USP6: variants seen among roughly 807,000 people sequenced by gnomAD.
USP6 encodes ubiquitin carboxyl-terminal hydrolase 6.
In USP6, 128 loss-of-function variants were observed where a neutral mutation model predicts 175.7. The observed-to-expected ratio is 0.73, with a 90% CI of 0.63 to 0.84. The LOEUF is 0.84. USP6 is among the 40% of genes least tolerant of loss of function. USP6 has a pLI of 0.00. For missense variants in USP6, 1,498 were observed against 1,760.3 expected (o/e 0.85, Z 2.67); for synonymous variants, 562 against 630.6 (o/e 0.89, Z 1.63).
chr17:5,163,069 T>G, intron 33 of USP6, 65 bp downstream of exon 33: 5 of 1,485,860 alleles, frequency 3.4e-6, no homozygotes, highest in Non-Finnish European at 4.5e-6. Context: ...AGTGTAACTA[T>G]TATGCCATTT....
intron 33 of USP6, among the ~76,000 whole-genome samples, chr17:5,164,115 G>A (rs2074056206): frequency 6.6e-6 from 1 of 152,122 alleles, no homozygotes; most frequent in Non-Finnish European, 1.5e-5. Context: ...AGTGGTTTTT[G>A]CATTTTTATG....
chr17:5,123,246 G>GC (rs2072760135), intron 4 of USP6: 1 of 153,240 alleles, frequency 6.5e-6, no homozygotes, highest in African/African-American at 2.4e-5. Context: ...TGGGGCACAC[G>GC]TCGGTGGCCA....
rs977717481 is a variant in USP6, at chr17:5,129,112, C to G, written c.-177C>G. On this transcript the variant is annotated 5_prime_UTR_variant, in exon 8 of 38. Transcript: ENST00000574788. The stretch of plus-strand genomic sequence containing the variant: ...GTGGCTTCGTAGAGTGGGTGCTGTT[C>G]CCGAATGTACCCATTCGACAGGTGA... 3.9e-5 allele frequency: 6 copies of G among 152,402 alleles called. No homozygotes were observed. Among genetic ancestry groups the G allele is most frequent in the African/African-American group, 1.4e-4 (6 of 41,446 alleles). 9.4% of individuals were successfully genotyped at this position (152,402 alleles called of 1,614,324 possible).
Position 5,146,061 on chromosome 17 carries a change from C to T in USP6, c.2206C>T (p.Leu736=). The T allele has an allele frequency of 6.2e-7, 1 of 1,612,952 alleles. No individual in the cohort carries two copies. The highest frequency in any genetic ancestry group is 1.3e-5 in the African/African-American group (1 of 74,936). ...TGGTACTACCCCTGTACGGTATGGA[C>T]TAAGACTGAATATGGATGAAAAGTA... ...LDGTTPVRYG[L]RLNMDEKYTG... Residue 736 remains leucine, a synonymous_variant, in exon 28 of 38, where the codon CTA becomes TTA. Transcript: ENST00000574788.
chr17:5,136,167 GTCCTGGA>G (rs1269968059), intron 17 of USP6, among the ~76,000 whole-genome samples: 2 of 152,164 alleles, frequency 1.3e-5, no homozygotes, highest in African/African-American at 4.8e-5. Context: ...CACCCTCTGT[GTCCTGGA>G]GCCACATCCT....
chr17:5,124,276 T>C (rs1191161614), intron 4 of USP6, among the ~76,000 whole-genome samples: 2 of 151,822 alleles, frequency 1.3e-5, no homozygotes, highest in African/African-American at 4.8e-5. Context: ...GGGAAGTGAG[T>C]GATGCAATGA....
At chr17:5,133,235 C>T (rs368561073) in intron 13 of USP6, among the ~76,000 whole-genome samples, 2 of 151,980 alleles carry the variant, frequency 1.3e-5, no homozygotes, top group Non-Finnish European at 2.9e-5. Flanking sequence ...CCTGGTGACC[C>T]GAAGGAAGGA....
Position 5,132,300 on chromosome 17 carries a change from T to C in USP6, c.156-96T>C. 3.1e-6 allele frequency: 5 copies of C among 1,610,406 alleles called. No homozygotes were observed. In the South Asian group the frequency reaches 5.5e-5, roughly 18 times the overall value. ...CTCCCGGGCTGAGCCCTGAGCTGGA[T>C]AGGGACAGAGCCAGTCCTTTCTGGG... On this transcript the variant is annotated intron_variant, in intron 11 of 37. Coordinates refer to ENST00000574788, the MANE Select transcript of USP6 (RefSeq NM_001304284.2). This position sits in a 1 kb window ranked among gnomAD's most constrained non-coding sequence, Gnocchi z 4.7.
Position 5,132,700 on chromosome 17 carries a change from T to C in USP6, c.196-210T>C, listed in dbSNP as rs1160016771. 6.6e-6 allele frequency among the ~76,000 whole-genome samples: 1 copy of C among 152,076 alleles called. No homozygotes were observed. The highest frequency in any genetic ancestry group is 1.5e-5 in the Non-Finnish European group (1 of 68,000). ...TAGAGGCTGGGACCTAAGACTGGTG[T>C]GTCTGTGGCCTGAGGATGGCATGTC... On this transcript the variant is annotated intron_variant, in intron 12 of 37. Transcript: ENST00000574788. This position sits in a 1 kb window ranked among gnomAD's most constrained non-coding sequence, Gnocchi z 4.7.
rs140834125 is a variant in USP6, at chr17:5,172,887, T to C, written c.4130T>C (p.Leu1377Pro). The change falls in exon 38 of 38, where the codon CTG becomes CCG. Residue 1377 changes from leucine to proline, a missense_variant. By Grantham distance (98) the Leu-to-Pro change is moderately conservative. Around this residue, in one of 2 missense-constraint regions of USP6, gnomAD observed 1,217 missense variants for 1,500.8 expected, o/e 0.81. Transcript: ENST00000574788. ...EQQGIDYAQF[L>P]PKIDGKKMAD... ...CAGGGGATAGACTACGCACAATTTC[T>C]GCCAAAGATTGATGGCAAAAAGATG... 306 of 1,613,862 alleles carry C rather than the reference T, an allele frequency of 1.9e-4. No individual in the cohort carries two copies. The highest frequency in any genetic ancestry group is 2.5e-4 in the Non-Finnish European group (292 of 1,179,878).
chr17:5,165,650 CTCTT>C (rs1294968458), intron 33 of USP6, among the ~76,000 whole-genome samples: 5 of 152,114 alleles, frequency 3.3e-5, no homozygotes, highest in Non-Finnish European at 7.4e-5. Flanking sequence ...TTAGGCCTCT[CTCTT>C]TAATAGTCTT....
At chr17:5,164,238 T>G (rs1212700988) in intron 33 of USP6, among the ~76,000 whole-genome samples, 1 of 152,228 alleles carries the variant, frequency 6.6e-6, no homozygotes, top group African/African-American at 2.4e-5. Flanking sequence ...CTGGGGAAAC[T>G]ACCAATTCTA....
chr17:5,163,737 G>A (rs1488560276), intron 33 of USP6, among the ~76,000 whole-genome samples: 4 of 152,156 alleles, frequency 2.6e-5, no homozygotes, highest in Non-Finnish European at 4.4e-5. Context: ...TGCAGCATTT[G>A]GTAACCAGGT....
In USP6 at chr17:5,144,754, T is replaced by G. The variant is rs201412443; in HGVS notation, c.1883T>G (p.Leu628Arg). ...CAGCAACAAGACTCCCAAGAACTTCTGGCTTTTCTCTTGGATGGTCTTCAT... is the reference window on the plus strand; with the variant it reads ...CAGCAACAAGACTCCCAAGAACTTCGGGCTTTTCTCTTGGATGGTCTTCAT... Reference protein sequence around the residue: ...GFQQQDSQELLAFLLDGLHED... With the variant: ...GFQQQDSQELRAFLLDGLHED... Residue 628 changes from leucine to arginine, a missense_variant, in exon 26 of 38, where the codon CTG (leucine) becomes CGG (arginine). This residue lies in a region of USP6 where 1,217 missense variants were observed against 1,500.8 expected (regional missense o/e 0.81). Transcript: ENST00000574788. 1.3e-4 allele frequency: 217 copies of G among 1,613,796 alleles called. 2 individuals carry two copies. The highest frequency in any genetic ancestry group is 1.1e-5 in the Non-Finnish European group (13 of 1,179,858).
chr17:5,158,333 G>C (rs911512359), intron 31 of USP6, among the ~76,000 whole-genome samples: 1 of 152,160 alleles, frequency 6.6e-6, no homozygotes, highest in African/African-American at 2.4e-5. Context: ...TCAGGAGGCC[G>C]AGGTGGGAGG....
At chr17:5,121,257 A>T (rs1269058248) in intron 3 of USP6, 118 bp from the exon 4 acceptor site, 1 of 369,044 alleles carries the variant, frequency 2.7e-6, no homozygotes, top group Admixed American at 3.3e-5. Flanking sequence ...CTTTGTGTGC[A>T]GGTGCCTTTG....
chr17:5,171,357 A>AATG (rs2074213107), intron 36 of USP6, among the ~76,000 whole-genome samples: 1 of 152,152 alleles, frequency 6.6e-6, no homozygotes, highest in African/African-American at 2.4e-5. Context: ...TAATAATAAT[A>AATG]ATAGTAATTA....
At chr17:5,136,756 C>T (rs1190520382) in intron 18 of USP6, 22 bp downstream of exon 18, 1 of 1,610,658 alleles carries the variant, frequency 6.2e-7, no homozygotes, top group Non-Finnish European at 8.5e-7. Flanking sequence ...GTCCCCTCGG[C>T]TCTTCTCAGA....
At chr17:5,154,829 A>T (rs1218306738) in intron 30 of USP6, among the ~76,000 whole-genome samples, 3 of 152,174 alleles carry the variant, frequency 2.0e-5, no homozygotes, top group South Asian at 4.2e-4. Context: ...AACTTGCCAG[A>T]CTCAAGCAAT....
Sources: allele counts gnomAD v4.1 joint callset (sites outside exome capture counted in the v4.1 genomes callset), GRCh38; gene constraint gnomAD v4.1.1; regional missense constraint gnomAD v4.1.1; non-coding constraint Gnocchi (gnomAD v3.1); transcripts MANE v1.5; gene names NCBI Gene and HGNC (gene_info 2026-07-23, HGNC 2026-07-21).